Variants in ELP2 observed in about 807,000 individuals in gnomAD.
The protein encoded by ELP2 is elongator complex protein 2.
A neutral mutation model predicts 119.2 loss-of-function variants in ELP2; 90 were observed. The observed-to-expected ratio is 0.75, with a 90% CI of 0.64 to 0.90. ELP2 has a LOEUF of 0.90. Among genes scored for constraint, ELP2 ranks in the 40% least tolerant of loss-of-function variants. ELP2 has a pLI of 0.00. For missense variants in ELP2, 921 were observed against 967.8 expected (o/e 0.95, Z 0.64); for synonymous variants, 339 against 331.0 (o/e 1.02, Z -0.26).
chr18:36,141,151 T>A lies in ELP2; in HGVS notation c.538T>A (p.Cys180Ser), dbSNP rs2090011846. The change falls in exon 6 of 22, where the codon TGT becomes AGT. Residue 180 changes from cysteine (C) to serine (S), a missense_variant. Cys to Ser is a moderately radical substitution (Grantham distance 112). Transcript: ENST00000358232. ...TCTTCCCCCAGTACCAATATTAGCA[T>A]GTGGCAATGATGATTGCAGAATTCA... Reference protein sequence around the residue: ...LPNTDVPILACGNDDCRIHIF... With the variant: ...LPNTDVPILASGNDDCRIHIF... 1 of 1,613,696 alleles carries A rather than the reference T, an allele frequency of 6.2e-7. No individual in the cohort carries two copies. The highest frequency in any genetic ancestry group is 8.5e-7 in the Non-Finnish European group (1 of 1,179,792).
rs1453953405 is a variant in ELP2, at chr18:36,139,357, T to G, written c.523+485T>G. ...GCTGTGAAACCCATCTGTATTTATC[T>G]TTGAGTATCTTCTACAAAGATAATA... On this transcript the variant is annotated intron_variant, in intron 5 of 21. Coordinates refer to ENST00000358232, the MANE Select transcript of ELP2 (RefSeq NM_018255.4). The G allele has an allele frequency of 8.9e-6, 13 of 1,462,974 alleles. No homozygotes were observed. In the Admixed American group the frequency reaches 2.9e-4, roughly 33 times the overall value. The allele number at this position is 1,462,974 out of a possible 1,614,324, so 90.6% of individuals were successfully genotyped here.
intron 19 of ELP2, 70 bp from the exon 20 acceptor site, chr18:36,169,993 T>C (rs2091028777): frequency 1.3e-6 from 2 of 1,597,778 alleles, no homozygotes; most frequent in African/African-American, 2.7e-5. Flanking sequence ...TCTTTGCCGA[T>C]GAAACTGTAG....
In ELP2 at chr18:36,133,912, T is replaced by A. The variant is rs906506407; in HGVS notation, c.217+596T>A. 1.0e-4 allele frequency among the ~76,000 whole-genome samples: 13 copies of A among 129,262 alleles called. No individual in the cohort carries two copies. In the East Asian group the frequency reaches 1.1e-3, roughly 11 times the overall value. The allele number at this position is 129,262 out of a possible 152,430, so 84.8% of individuals were successfully genotyped here. A position where few individuals can be genotyped will look rare whatever the true frequency, so the allele number is the denominator to read the frequency against. On this transcript the variant is annotated intron_variant, in intron 2 of 21. Coordinates refer to ENST00000358232, the MANE Select transcript of ELP2 (RefSeq NM_018255.4). ...TTTTTTAGGGGTTTTTTTTTTTTTT[T>A]TTTTTTTTTTTTTTTGAGATGGAGT...
chr18:36,154,032 T>G (rs192416980), intron 11 of ELP2, among the ~76,000 whole-genome samples: 1 of 152,126 alleles, frequency 6.6e-6, no homozygotes, highest in Non-Finnish European at 1.5e-5. Context: ...AATCAGTTTT[T>G]GTTCACAGAG....
chr18:36,138,826 T>G lies in ELP2; in HGVS notation c.477T>G (p.Asn159Lys). The change falls in exon 5 of 22, where the codon AAT becomes AAG. Residue 159 changes from asparagine (N) to lysine (K), a missense_variant. By Grantham distance (94) the Asn-to-Lys change is moderately conservative. Transcript: ENST00000358232. ...VMCLQTLNFG[N>K]GFALALCLSF... is the part of the protein sequence containing the mutation. ...GCCTTCAGACTTTAAACTTTGGAAATGGATTTGCTTTGGCTCTCTGCTTAT... is the reference window on the plus strand; with the variant it reads ...GCCTTCAGACTTTAAACTTTGGAAAGGGATTTGCTTTGGCTCTCTGCTTAT... The G allele has an allele frequency of 6.2e-7, 1 of 1,613,992 alleles. No homozygotes were observed. Among genetic ancestry groups the G allele is most frequent in the Non-Finnish European group, 8.5e-7 (1 of 1,179,926 alleles).
rs2090511434 is a variant in ELP2, at chr18:36,154,856, T to C, written c.1132T>C (p.Trp378Arg). ...ATGAGCACTTCCATTGCAGAGAGAG[T>C]GGACTCCAGAGATTGTCATTTCAGG... ...WKQNTVNPRE[W>R]TPEIVISGHF... The change falls in exon 12 of 22, where the codon TGG (tryptophan) becomes CGG (arginine). Residue 378 changes from tryptophan (W) to arginine (R), a missense_variant. By Grantham distance (101) the Trp-to-Arg change is moderately radical. Transcript: ENST00000358232. The C allele has an allele frequency of 6.2e-7, 1 of 1,613,996 alleles. No individual in the cohort carries two copies. The highest frequency in any genetic ancestry group is 1.3e-5 in the African/African-American group (1 of 74,990).
chr18:36,140,415 C>T (rs1461304056), intron 5 of ELP2, among the ~76,000 whole-genome samples: 7 of 152,144 alleles, frequency 4.6e-5, no homozygotes, highest in African/African-American at 9.7e-5. Context: ...GGTGCAATCT[C>T]GGCTCACTGC....
chr18:36,139,372 C>T, intron 5 of ELP2: 7 of 1,493,410 alleles, frequency 4.7e-6, no homozygotes, highest in South Asian at 2.4e-5. Context: ...GTATCTTCTA[C>T]AAAGATAATA....
chr18:36,141,081 A>C, intron 5 of ELP2, 56 bp from the exon 6 acceptor site: 1 of 1,401,980 alleles, frequency 7.1e-7, no homozygotes. Flanking sequence ...CAGTTGATAA[A>C]TCATAACGTG....
intron 5 of ELP2, 71 bp from the exon 6 acceptor site, chr18:36,141,066 C>T: frequency 8.2e-7 from 1 of 1,225,256 alleles, no homozygotes; most frequent in Non-Finnish European, 1.2e-6. Flanking sequence ...GCTTACAATC[C>T]AGTACAGTTG....
chr18:36,164,521 C>T lies in ELP2; in HGVS notation c.1808C>T (p.Ser603Phe). The T allele has an allele frequency of 5.0e-6, 8 of 1,614,076 alleles. No homozygotes were observed. The highest frequency in any genetic ancestry group is 6.8e-6 in the Non-Finnish European group (8 of 1,179,966). The change falls in exon 18 of 22, where the codon TCT becomes TTT. Residue 603 changes from serine (S) to phenylalanine (F), a missense_variant. By Grantham distance (155) the Ser-to-Phe change is radical (BLOSUM62 -2). Transcript: ENST00000358232. ...GCTATCATTCTTTGGAACACTACAT[C>T]TTGGAAACAGGTGCAGAATTTAGTT... ...HAAIILWNTT[S>F]WKQVQNLVFH...
At chr18:36,141,742 G>T (rs1437964931) in intron 6 of ELP2, among the ~76,000 whole-genome samples, 2 of 149,296 alleles carry the variant, frequency 1.3e-5, no homozygotes, top group Non-Finnish European at 3.0e-5. Context: ...TCCTAGGCTG[G>T]TGCAGTGGTG....
At chr18:36,166,334 T>TTTG in intron 18 of ELP2, among the ~76,000 whole-genome samples, 1 of 122,428 alleles carries the variant, frequency 8.2e-6, no homozygotes, top group Non-Finnish European at 1.7e-5. Flanking sequence ...TTTTTTTTTT[T>TTTG]TTTTTTTTTT....
chr18:36,130,877 T>G (rs151067428), intron 1 of ELP2, among the ~76,000 whole-genome samples: 3 of 152,132 alleles, frequency 2.0e-5, no homozygotes, highest in Non-Finnish European at 4.4e-5. Context: ...TGGTTAAAAA[T>G]TTCATTATTG....
At chr18:36,151,864 C>T (rs547703541) in intron 11 of ELP2, among the ~76,000 whole-genome samples, 1 of 150,178 alleles carries the variant, frequency 6.7e-6, no homozygotes, top group South Asian at 2.1e-4. Context: ...TCTCCTGTCT[C>T]AGCCGCCTGA....
intron 8 of ELP2, 136 bp downstream of exon 8, chr18:36,143,102 C>CTTT: frequency 3.9e-6 from 2 of 510,548 alleles, no homozygotes; most frequent in Non-Finnish European, 6.6e-6. Context: ...TTTTTTCTTT[C>CTTT]TTTTTTTTTT....
chr18:36,156,709 A>G (rs553619390), intron 13 of ELP2, 55 bp downstream of exon 13: 2 of 1,539,472 alleles, frequency 1.3e-6, no homozygotes, highest in East Asian at 2.3e-5. Context: ...TTTAAATTTA[A>G]AAGGATTTTT....
intron 12 of ELP2, among the ~76,000 whole-genome samples, chr18:36,156,044 A>G (rs1481621637): frequency 1.3e-5 from 2 of 152,196 alleles, no homozygotes; most frequent in African/African-American, 4.8e-5. Flanking sequence ...CTGAGCTCAA[A>G]CAGTTGTAAA....
intron 2 of ELP2, among the ~76,000 whole-genome samples, chr18:36,133,728 ATTTATTTAT>A (rs749242933): frequency 0.018 from 1,052 of 59,986 alleles, 8 homozygotes; most frequent in Non-Finnish European, 0.034. Context: ...TTATTTATTT[ATTTATTTAT>A]TTTTTTTTTG....
Sources: gnomAD v4.1 joint callset for allele counts (sites outside exome capture counted in the v4.1 genomes callset) on GRCh38, gnomAD v4.1.1 for gene constraint, MANE v1.5 for transcripts, NCBI Gene and HGNC (gene_info 2026-07-23, HGNC 2026-07-21) for gene names.